Variants in LRRC37A2 observed in about 807,000 individuals in gnomAD.
LRRC37A2 encodes leucine rich repeat containing 37 member A2.
Under a neutral mutation model 68.8 loss-of-function variants are expected in LRRC37A2, and 9 were observed. That is an observed-to-expected ratio of 0.13 (90% CI 0.08 to 0.23). The LOEUF is 0.23. Ranked by LOEUF, LRRC37A2 falls within the 10% of genes least tolerant of loss-of-function variation. The pLI is 1.00. For missense variants in LRRC37A2, 168 were observed against 950.4 expected, an observed-to-expected ratio of 0.18 and a Z score of 10.82; for synonymous variants, 63 against 367.6, an observed-to-expected ratio of 0.17 and a Z score of 9.48.
At chr17:46,495,451 C>G in the LRRC37A2 span, among the ~76,000 whole-genome samples, 1 of 149,180 alleles carries the variant, frequency 6.7e-6, no homozygotes, top group Non-Finnish European at 1.5e-5. Flanking sequence ...GTGGTGCGAT[C>G]TTGGCTCACT....
the LRRC37A2 span, among the ~76,000 whole-genome samples, chr17:46,770,865 G>A: frequency 6.6e-6 from 1 of 152,228 alleles, no homozygotes; most frequent in African/African-American, 2.4e-5. Context: ...TCATTTTATA[G>A]ATGTGGACAT....
At chr17:46,718,544 A>C in the LRRC37A2 span, among the ~76,000 whole-genome samples, 1 of 152,216 alleles carries the variant, frequency 6.6e-6, no homozygotes, top group Non-Finnish European at 1.5e-5. Context: ...AAATTTATAT[A>C]AAAACAGTAT....
the LRRC37A2 span, among the ~76,000 whole-genome samples, chr17:46,621,479 G>A: frequency 9.9e-6 from 1 of 101,226 alleles, no homozygotes; most frequent in African/African-American, 4.2e-5. Flanking sequence ...TAGTAGAGAC[G>A]GGGCTTCACC....
the LRRC37A2 span, among the ~76,000 whole-genome samples, chr17:46,746,952 A>G: frequency 2.6e-5 from 4 of 152,220 alleles, no homozygotes; most frequent in Non-Finnish European, 5.9e-5. Context: ...ATACCCAGAA[A>G]CATTACCCTG....
the LRRC37A2 span, among the ~76,000 whole-genome samples, chr17:46,738,869 A>G: frequency 1.3e-5 from 2 of 152,278 alleles, no homozygotes; most frequent in Non-Finnish European, 2.9e-5. Flanking sequence ...TGGGAGGCCA[A>G]GGCAGGAGGA....
the LRRC37A2 span, among the ~76,000 whole-genome samples, chr17:46,588,530 TA>T: frequency 2.3e-5 from 2 of 86,688 alleles, no homozygotes; most frequent in African/African-American, 1.2e-4. Flanking sequence ...GCTTATCTAG[TA>T]AAACAAGACA....
chr17:46,961,336 G>T, the LRRC37A2 span, among the ~76,000 whole-genome samples: 1 of 152,094 alleles, frequency 6.6e-6, no homozygotes, highest in Admixed American at 6.6e-5. Flanking sequence ...CCTAGAGTTC[G>T]GGACTAGCCT....
chr17:46,788,072 G>A, the LRRC37A2 span, among the ~76,000 whole-genome samples: 1 of 152,112 alleles, frequency 6.6e-6, no homozygotes, highest in Non-Finnish European at 1.5e-5. Flanking sequence ...CAAGGAATAG[G>A]TGTGCTGAGG....
At chr17:46,936,420 G>A in the LRRC37A2 span, 1 of 985,396 alleles carries the variant, frequency 1.0e-6, no homozygotes, top group Non-Finnish European at 1.2e-6. Context: ...TACCAGAGGG[G>A]AAGGCTGTGA....
chr17:47,021,914 G>A, the LRRC37A2 span: 21 of 1,512,368 alleles, frequency 1.4e-5, no homozygotes, highest in South Asian at 2.3e-5. Context: ...CAGTTGGACC[G>A]AGAAACTGTG....
At chr17:46,904,044 T>C in the LRRC37A2 span, among the ~76,000 whole-genome samples, 7 of 145,878 alleles carry the variant, frequency 4.8e-5, no homozygotes, top group Non-Finnish European at 6.0e-5. Flanking sequence ...GGGGGTTAGA[T>C]AGATGAGTTG....
the LRRC37A2 span, chr17:47,017,185 C>T: frequency 3.7e-6 from 6 of 1,611,168 alleles, no homozygotes; most frequent in Non-Finnish European, 4.2e-6. Context: ...TGTCTCGGAG[C>T]TGCCAGAATG....
At chr17:46,756,498 T>A in the LRRC37A2 span, 1 of 152,202 alleles carries the variant, frequency 6.6e-6, no homozygotes, top group Non-Finnish European at 1.5e-5. Context: ...TATAACTAAT[T>A]TGCTCTGTGG....
chr17:46,947,264 T>C, the LRRC37A2 span, among the ~76,000 whole-genome samples: 1 of 152,142 alleles, frequency 6.6e-6, no homozygotes, highest in Non-Finnish European at 1.5e-5. Context: ...GCCTCCTCTT[T>C]GGTGTATGTG....
chr17:46,389,274 G>A, the LRRC37A2 span, among the ~76,000 whole-genome samples: 3 of 147,832 alleles, frequency 2.0e-5, 1 homozygote, highest in African/African-American at 7.5e-5. Context: ...ATTTTCAAGA[G>A]AGATAGCTAA....
chr17:46,884,955 C>T, the LRRC37A2 span: 4 of 397,108 alleles, frequency 1.0e-5, no homozygotes, highest in African/African-American at 6.4e-5. Flanking sequence ...CTCCTGCAAC[C>T]CATCAAATAG....
the LRRC37A2 span, among the ~76,000 whole-genome samples, chr17:46,610,041 C>T: frequency 3.8e-4 from 45 of 118,724 alleles, 1 homozygote; most frequent in African/African-American, 5.6e-4. Flanking sequence ...CTCTCTCTCT[C>T]TCTTTCTTTC....
At chr17:46,599,789 C>A in the LRRC37A2 span, among the ~76,000 whole-genome samples, 1 of 7,304 alleles carries the variant, frequency 1.4e-4, no homozygotes. Flanking sequence ...GCAGGAGAAT[C>A]GCTTGAACCT....
At chr17:46,795,123 C>T in the LRRC37A2 span, among the ~76,000 whole-genome samples, 1 of 152,088 alleles carries the variant, frequency 6.6e-6, no homozygotes, top group Non-Finnish European at 1.5e-5. Flanking sequence ...CTCTGAGCCA[C>T]CATTTTGGCC....
Sources: allele counts gnomAD v4.1 joint callset (sites outside exome capture counted in the v4.1 genomes callset), GRCh38; gene constraint gnomAD v4.1.1; transcripts MANE v1.5; gene names NCBI Gene and HGNC (gene_info 2026-07-23, HGNC 2026-07-21).